Variants in SPTB observed in about 807,000 individuals in gnomAD.
SPTB encodes the protein spectrin beta chain, erythrocytic.
In SPTB, 45 loss-of-function variants were observed where a neutral mutation model predicts 256.2. The ratio of observed to expected loss-of-function variants is 0.18; its 90% CI spans 0.14 to 0.23. SPTB has a LOEUF of 0.23. Ranked by LOEUF, SPTB falls within the 10% of genes least tolerant of loss-of-function variation. The probability of loss-of-function intolerance (pLI) is 1.00; values close to 1 mark genes in which losing one functional copy is unlikely to be tolerated. For synonymous variants in SPTB, 1,231 were observed against 1,243.1 expected (o/e 0.99, Z 0.21); for missense variants, 2,715 against 3,040.4 (o/e 0.89, Z 2.52).
In SPTB at chr14:64,866,332, T is replaced by C. The variant is rs1011149406; in HGVS notation, c.-52+13460A>G. The stretch of plus-strand genomic sequence containing the variant: ...CTGGCCTCAGGACACCCGTAAGAGC[T>C]CAATGGGGTCTTCAGTTGTCTTGGC... On this transcript the variant is annotated intron_variant, in intron 1 of 35. Coordinates refer to ENST00000644917, the MANE Select transcript of SPTB (RefSeq NM_001355436.2). The surrounding 1 kb of genome is among the most constrained non-coding windows in gnomAD (Gnocchi z 4.6). Among the ~76,000 whole-genome samples the C allele has an allele frequency of 6.6e-6, 1 of 152,152 alleles. No homozygotes were observed. The highest frequency in any genetic ancestry group is 6.5e-5 in the Admixed American group (1 of 15,274).
intron 27 of SPTB, 96 bp from the exon 28 acceptor site, chr14:64,769,824 G>A (rs905825165): frequency 6.4e-7 from 1 of 1,561,854 alleles, no homozygotes; most frequent in Non-Finnish European, 8.8e-7. Context: ...CCTGCCTGTG[G>A]GAGTGTGACC....
chr14:64,789,361 T>A (rs1249683703), intron 15 of SPTB, among the ~76,000 whole-genome samples: 1 of 152,028 alleles, frequency 6.6e-6, no homozygotes, highest in Non-Finnish European at 1.5e-5. Flanking sequence ...CTATAAAAAA[T>A]TAATTAATTA....
intron 1 of SPTB, among the ~76,000 whole-genome samples, chr14:64,839,429 G>T (rs1233969127): frequency 6.6e-6 from 1 of 152,188 alleles, no homozygotes; most frequent in African/African-American, 2.4e-5. Flanking sequence ...GGATTGTAGG[G>T]TTGGGGAAAC....
At position 64,775,509 on chromosome 14, in the gene SPTB, G is replaced by A. The variant is rs145893995; in HGVS notation, c.4564-106C>T. 2,188 of 1,423,374 alleles carry A rather than the reference G, an allele frequency of 1.5e-3. 5 individuals are homozygous for A. The highest frequency in any genetic ancestry group is 1.9e-3 in the Non-Finnish European group (1,958 of 1,056,862). 88.2% of individuals were successfully genotyped at this position (1,423,374 alleles called of 1,614,324 possible). A position where few individuals can be genotyped will look rare whatever the true frequency, so the allele number is the denominator to read the frequency against. The stretch of plus-strand genomic sequence containing the variant: ...GACACCCTTGGTCCCTCTCACCCCC[G>A]TTGCTAGAGCAGAGCAGGTGATGGC... On this transcript the variant is annotated intron_variant, in intron 22 of 35. Coordinates refer to ENST00000644917, the MANE Select transcript of SPTB (RefSeq NM_001355436.2). The surrounding 1 kb of genome is among the most constrained non-coding windows in gnomAD (Gnocchi z 5.0).
rs752077415 is a variant in SPTB, at chr14:64,749,269, C to T, written c.*37G>A. The T allele has an allele frequency of 1.3e-5, 20 of 1,544,824 alleles. No homozygotes were observed. The highest frequency in any genetic ancestry group is 1.2e-5 in the Non-Finnish European group (14 of 1,150,300). ...CAAGGCCTGGGCTGCCCGGTCTCTGCGCGTCCCGACTCCGCCGCGCCCGCC... is the reference window on the plus strand; with the variant it reads ...CAAGGCCTGGGCTGCCCGGTCTCTGTGCGTCCCGACTCCGCCGCGCCCGCC... On this transcript the variant is annotated 3_prime_UTR_variant, in exon 36 of 36. Transcript: ENST00000644917. This position sits in a 1 kb window ranked among gnomAD's most constrained non-coding sequence, Gnocchi z 4.7.
chr14:64,857,230 T>C (rs1231678433), intron 1 of SPTB, among the ~76,000 whole-genome samples: 1 of 152,096 alleles, frequency 6.6e-6, no homozygotes, highest in Non-Finnish European at 1.5e-5. Flanking sequence ...TGCATATTTG[T>C]GGCAATAATG....
chr14:64,774,563 T>C, intron 23 of SPTB, 36 bp from the exon 24 acceptor site: 1 of 1,551,328 alleles, frequency 6.4e-7, no homozygotes, highest in African/African-American at 1.4e-5. Context: ...CAGAGCTCAG[T>C]CTGGCCATGA....
intron 1 of SPTB, among the ~76,000 whole-genome samples, chr14:64,833,460 G>A (rs1395259209): frequency 6.6e-6 from 1 of 151,896 alleles, no homozygotes; most frequent in Non-Finnish European, 1.5e-5. Context: ...GCAGAGGTGG[G>A]AGAATTACTT....
intron 33 of SPTB, 137 bp from the exon 34 acceptor site, chr14:64,750,291 C>T: frequency 1.2e-6 from 1 of 869,488 alleles, no homozygotes; most frequent in South Asian, 2.3e-5. Context: ...GTTAAAAAAT[C>T]ATCTGCATGT....
In SPTB at chr14:64,766,791, C is replaced by T. The variant is rs748216421; in HGVS notation, c.6280G>A (p.Glu2094Lys). Reference protein sequence around the residue: ...RPAEETGPQEEEGETAGEAPV... With the variant: ...RPAEETGPQEKEGETAGEAPV... ...GCCTCCCCTGCTGTCTCGCCTTCCT[C>T]CTCTTGAGGCCTAAGGAAGACACAG... is the stretch of plus-strand genomic sequence containing the variant. The change falls in exon 32 of 36, where the codon GAG (glutamate) becomes AAG (lysine). Residue 2094 changes from glutamate to lysine, a missense_variant. Glu to Lys is a moderately conservative substitution (Grantham distance 56, BLOSUM62 1). This residue lies in a region of SPTB where 2,239 missense variants were observed against 2,384.4 expected (regional missense o/e 0.94). Coordinates refer to ENST00000644917, the MANE Select transcript of SPTB (RefSeq NM_001355436.2). 1.2e-6 allele frequency: 2 copies of T among 1,611,612 alleles called. No individual in the cohort carries two copies. The highest frequency in any genetic ancestry group is 1.3e-5 in the African/African-American group (1 of 74,874).
intron 10 of SPTB, among the ~76,000 whole-genome samples, chr14:64,797,123 T>C (rs1263223254): frequency 6.6e-6 from 1 of 152,154 alleles, no homozygotes; most frequent in Non-Finnish European, 1.5e-5. Context: ...ATATTCCATC[T>C]TCAAAGACAA....
intron 20 of SPTB, among the ~76,000 whole-genome samples, chr14:64,781,926 G>T (rs1275879761): frequency 6.6e-6 from 1 of 152,160 alleles, no homozygotes; most frequent in Non-Finnish European, 1.5e-5. Context: ...AACATGGATG[G>T]AGCTGGAGGC....
Position 64,864,127 on chromosome 14 carries a change from T to C in SPTB, c.-52+15665A>G, listed in dbSNP as rs575498421. On this transcript the variant is annotated intron_variant, in intron 1 of 35. Transcript: ENST00000644917. ...AATTCTGAAACTCATCATGAAGAGA[T>C]AGAAGGAGCATAAGATATTACACAG... Among the ~76,000 whole-genome samples the C allele has an allele frequency of 1.4e-4, 21 of 152,158 alleles. 1 individual carries two copies. In the South Asian group the frequency reaches 1.5e-3, roughly 11 times the overall value.
At position 64,786,353 on chromosome 14, in the gene SPTB, G is replaced by A. The variant is rs1594774573; in HGVS notation, c.3561+51C>T. On this transcript the variant is annotated intron_variant, in intron 16 of 35. Transcript: ENST00000644917. This position sits in a 1 kb window ranked among gnomAD's most constrained non-coding sequence, Gnocchi z 5.6. Reference sequence around the variant, plus strand: ...CAGCACATTTGTGGACTCACCACAAGAGCTACTGCCCTGAGAGACCCGCCT... The same window carrying A: ...CAGCACATTTGTGGACTCACCACAAAAGCTACTGCCCTGAGAGACCCGCCT... 2 of 1,610,480 alleles carry A rather than the reference G, an allele frequency of 1.2e-6. No individual in the cohort carries two copies. The highest frequency in any genetic ancestry group is 1.7e-6 in the Non-Finnish European group (2 of 1,178,926).
At chr14:64,842,924 A>G (rs1390991258) in intron 1 of SPTB, among the ~76,000 whole-genome samples, 1 of 152,098 alleles carries the variant, frequency 6.6e-6, no homozygotes, top group Non-Finnish European at 1.5e-5. Context: ...AAAATTAGCC[A>G]GGCATGGTGG....
In SPTB at chr14:64,786,323, T is replaced by G. The variant is rs1235524463; in HGVS notation, c.3561+81A>C. The G allele has an allele frequency of 1.5e-5, 24 of 1,566,832 alleles. No individual in the cohort carries two copies. The highest frequency in any genetic ancestry group is 2.1e-5 in the Non-Finnish European group (24 of 1,143,154). On this transcript the variant is annotated intron_variant, in intron 16 of 35. Coordinates refer to ENST00000644917, the MANE Select transcript of SPTB (RefSeq NM_001355436.2). The surrounding 1 kb of genome is among the most constrained non-coding windows in gnomAD (Gnocchi z 5.6). ...AGACAAGAGTAATGTGGTCCCTGAGTCTTACAGCACATTTGTGGACTCACC... is the reference window on the plus strand; with the variant it reads ...AGACAAGAGTAATGTGGTCCCTGAGGCTTACAGCACATTTGTGGACTCACC...
At chr14:64,857,838 C>T (rs2083897444) in intron 1 of SPTB, among the ~76,000 whole-genome samples, 1 of 152,072 alleles carries the variant, frequency 6.6e-6, no homozygotes. Context: ...TTGGATACAT[C>T]AATTCTTTGA....
chr14:64,827,171 G>A lies in SPTB; in HGVS notation c.-51-4026C>T, dbSNP rs1325916122. Among the ~76,000 whole-genome samples the A allele has an allele frequency of 4.6e-5, 7 of 152,148 alleles. No individual in the cohort carries two copies. The highest frequency in any genetic ancestry group is 1.9e-4 in the East Asian group (1 of 5,194). On this transcript the variant is annotated intron_variant, in intron 1 of 35. Coordinates refer to ENST00000644917, the MANE Select transcript of SPTB (RefSeq NM_001355436.2). This position sits in a 1 kb window ranked among gnomAD's most constrained non-coding sequence, Gnocchi z 4.6. ...GCTAGGACCCATGTCAGCCCTCGCC[G>A]AAGCCCCGAGCAGAAGAGGCAGCTG...
At chr14:64,876,061 C>G (rs1882809070) in intron 1 of SPTB, among the ~76,000 whole-genome samples, 1 of 152,106 alleles carries the variant, frequency 6.6e-6, no homozygotes, top group South Asian at 2.1e-4. Context: ...AACTCCCTGG[C>G]TCAAGCAATC....
Sources: gnomAD v4.1 joint callset for allele counts (sites outside exome capture counted in the v4.1 genomes callset) on GRCh38, gnomAD v4.1.1 for gene constraint, gnomAD v4.1.1 regional missense constraint, Gnocchi (gnomAD v3.1) non-coding constraint, MANE v1.5 for transcripts, NCBI Gene and HGNC (gene_info 2026-07-23, HGNC 2026-07-21) for gene names.